The following PCK2 variants were observed in gnomAD, a reference collection of about 807,000 sequenced individuals.
PCK2 encodes phosphoenolpyruvate carboxykinase [GTP], mitochondrial.
In PCK2, 56 loss-of-function variants were observed where a neutral mutation model predicts 65.9. The observed-to-expected ratio is 0.85, with a 90% CI of 0.69 to 1.06. The LOEUF (loss-of-function observed/expected upper bound fraction) is 1.06, where lower values mean the gene tolerates loss of function less well. Ranked by LOEUF, PCK2 falls within the 50% of genes least tolerant of loss-of-function variation. The pLI is 0.00. For synonymous variants in PCK2, 305 were observed against 319.6 expected (o/e 0.95, Z 0.49); for missense variants, 843 against 863.1 (o/e 0.98, Z 0.29).
In PCK2 at chr14:24,098,314, G is replaced by A; in HGVS notation, c.387G>A (p.Gly129=). ...CACTCCCGCCTGGTGGGGCCCGTGGGCAGCTGGGCAACTGGATGTCCCCAG... is the reference window on the plus strand; with the variant it reads ...CACTCCCGCCTGGTGGGGCCCGTGGACAGCTGGGCAACTGGATGTCCCCAG... ...TVPLPPGGAR[G]QLGNWMSPAD... The change falls in exon 3 of 10, where the codon GGG becomes GGA. Residue 129 remains glycine, a synonymous_variant. Coordinates refer to ENST00000216780, the MANE Select transcript of PCK2 (RefSeq NM_004563.4). 1.2e-6 allele frequency: 2 copies of A among 1,614,134 alleles called. No individual in the cohort carries two copies. Among genetic ancestry groups the A allele is most frequent in the Non-Finnish European group, 1.7e-6 (2 of 1,179,986 alleles).
In PCK2 at chr14:24,099,580, C is replaced by T; in HGVS notation, c.875C>T (p.Ala292Val). The T allele has an allele frequency of 1.9e-6, 3 of 1,603,902 alleles. No individual in the cohort carries two copies. The highest frequency in any genetic ancestry group is 2.6e-6 in the Non-Finnish European group (3 of 1,174,642). The change falls in exon 6 of 10, where the codon GCA becomes GTA. Residue 292 changes from alanine to valine, a missense_variant. By Grantham distance (64) the Ala-to-Val change is moderately conservative (BLOSUM62 0). Transcript: ENST00000216780. Reference protein sequence around the residue: ...HMLILGITSPAGKKRYVAAAF... With the variant: ...HMLILGITSPVGKKRYVAAAF... ...CAGATCCTGGGCATCACCAGCCCTG[C>T]AGGGAAGAAGCGCTATGTGGCAGCC...
At position 24,100,098 on chromosome 14, in the gene PCK2, T is replaced by G. The variant is rs2037097781; in HGVS notation, c.1119T>G (p.Thr373=). ...CCATGGCTACAATCCAGAGTAACACTATTTTTACCAATGTGGCTGAGACCA... is the reference window on the plus strand; with the variant it reads ...CCATGGCTACAATCCAGAGTAACACGATTTTTACCAATGTGGCTGAGACCA... ...PNAMATIQSN[T]IFTNVAETSD... is the part of the protein sequence containing the mutation. The change falls in exon 7 of 10, where the codon ACT becomes ACG. Residue 373 remains threonine (T), a synonymous_variant. Coordinates refer to ENST00000216780, the MANE Select transcript of PCK2 (RefSeq NM_004563.4). 2 of 1,612,496 alleles carry G rather than the reference T, an allele frequency of 1.2e-6. No homozygotes were observed. The highest frequency in any genetic ancestry group is 1.7e-6 in the Non-Finnish European group (2 of 1,179,184).
At chr14:24,096,774 G>A in intron 1 of PCK2, 118 bp from the exon 2 acceptor site, 1 of 837,010 alleles carries the variant, frequency 1.2e-6, no homozygotes. Flanking sequence ...TGCTCTTCAT[G>A]GTCCCTGCAT....
chr14:24,097,049 T>G lies in PCK2; in HGVS notation c.187T>G (p.Cys63Gly), dbSNP rs542010714. 4 of 1,613,208 alleles carry G rather than the reference T, an allele frequency of 2.5e-6. No homozygotes were observed. The African/African-American group carries it at 4.0e-5, about 16-fold the overall frequency. ...RLCQPEGIHI[C>G]DGTEAENTAT... is the part of the protein sequence containing the mutation. ...GTGCCAACCAGAGGGCATCCACATC[T>G]GTGATGGAACTGAGGCTGAGAATAC... Residue 63 changes from cysteine (C) to glycine (G), a missense_variant, in exon 2 of 10, where the codon TGT becomes GGT. Physicochemically the swap from Cys to Gly is radical, Grantham distance 159. Coordinates refer to ENST00000216780, the MANE Select transcript of PCK2 (RefSeq NM_004563.4).
In PCK2 at chr14:24,103,833, C is replaced by T; in HGVS notation, c.1792C>T (p.Leu598Phe). Residue 598 changes from leucine to phenylalanine, a missense_variant, in exon 10 of 10, where the codon CTC (leucine) becomes TTC (phenylalanine). Leu to Phe is a conservative substitution (Grantham distance 22, BLOSUM62 0). Transcript: ENST00000216780. Reference sequence around the variant, plus strand: ...TATAGACACCACTCAGCTGTTCTCCCTCCCCAAGGACTTCTGGGAACAGGA... The same window carrying T: ...TATAGACACCACTCAGCTGTTCTCCTTCCCCAAGGACTTCTGGGAACAGGA... ...RAIDTTQLFS[L>F]PKDFWEQEVR... The T allele has an allele frequency of 6.2e-7, 1 of 1,614,128 alleles. No homozygotes were observed.
Position 24,103,217 on chromosome 14 carries a change from C to T in PCK2, c.1430C>T (p.Ala477Val), listed in dbSNP as rs1183475079. 6.2e-7 allele frequency: 1 copy of T among 1,614,108 alleles called. No homozygotes were observed. Reference sequence around the variant, plus strand: ...CGTCATGGGGTGTTTGTGGGCAGCGCCATGCGCTCTGAGTCCACTGCTGCA... The same window carrying T: ...CGTCATGGGGTGTTTGTGGGCAGCGTCATGCGCTCTGAGTCCACTGCTGCA... Reference protein sequence around the residue: ...NWRHGVFVGSAMRSESTAAAE... With the variant: ...NWRHGVFVGSVMRSESTAAAE... Residue 477 changes from alanine to valine, a missense_variant, in exon 9 of 10, where the codon GCC becomes GTC. Physicochemically the swap from Ala to Val is moderately conservative, Grantham distance 64 (BLOSUM62 0). Transcript: ENST00000216780.
upstream of PCK2, chr14:24,094,201 C>G (rs2036741931): frequency 1.8e-6 from 1 of 561,876 alleles, no homozygotes; most frequent in South Asian, 2.2e-5. The surrounding 1 kb of genome is among the most constrained non-coding windows in gnomAD (Gnocchi z 4.1). Flanking sequence ...GCCCCGGGGC[C>G]GAGGGAGCTG....
In PCK2 at chr14:24,094,342, C is replaced by A. The variant is rs1594277552; in HGVS notation, c.-64C>A. On this transcript the variant is annotated 5_prime_UTR_variant, in exon 1 of 10. Coordinates refer to ENST00000216780, the MANE Select transcript of PCK2 (RefSeq NM_004563.4). The surrounding 1 kb of genome is among the most constrained non-coding windows in gnomAD (Gnocchi z 4.1). ...CGCTTCGCCGCGCTCCCTCCTTCCC[C>A]GCCTTCCATACCTCCCCGGCTCCGC... is the stretch of plus-strand genomic sequence containing the variant. 2.7e-6 allele frequency: 4 copies of A among 1,471,036 alleles called. No individual in the cohort carries two copies. Among genetic ancestry groups the A allele is most frequent in the Non-Finnish European group, 3.7e-6 (4 of 1,088,978 alleles). The allele number at this position is 1,471,036 out of a possible 1,614,324, so 91.1% of individuals were successfully genotyped here. A position where few individuals can be genotyped will look rare whatever the true frequency, so the allele number is the denominator to read the frequency against.
Position 24,100,203 on chromosome 14 carries a change from C to T in PCK2, c.1224C>T (p.Pro408=). 6.2e-7 allele frequency: 1 copy of T among 1,614,178 alleles called. No individual in the cohort carries two copies. Among genetic ancestry groups the T allele is most frequent in the Non-Finnish European group, 8.5e-7 (1 of 1,180,016 alleles). The part of the protein sequence containing the change: ...GVTVTSWLGK[P]WKPGDKEPCA... The stretch of plus-strand genomic sequence containing the variant: ...CTGTGACCTCCTGGCTGGGCAAACC[C>T]TGGAAACCTGGTATGTGCGGTGGGG... Residue 408 remains proline, a synonymous_variant, in exon 7 of 10, where the codon CCC becomes CCT. Transcript: ENST00000216780.
chr14:24,098,872 C>T (rs1229091464), intron 4 of PCK2, among the ~76,000 whole-genome samples, 177 bp from the exon 5 acceptor site: 5 of 152,206 alleles, frequency 3.3e-5, no homozygotes, highest in Admixed American at 6.5e-5. Context: ...GAGAAAAATC[C>T]GTGTCCAAGA....
intron 1 of PCK2, chr14:24,095,077 G>A: frequency 2.2e-6 from 1 of 456,264 alleles, no homozygotes; most frequent in South Asian, 1.5e-5. Flanking sequence ...GGAGCCCCCA[G>A]GCTCGTCCTG....
rs753333969 is a variant in PCK2, at chr14:24,103,239, TGCA to T, written c.1457_1459del (p.Ala486del). 12 of 1,613,648 alleles carry T rather than the reference TGCA, an allele frequency of 7.4e-6. No individual in the cohort carries two copies. In the African/African-American group the frequency reaches 1.6e-4, roughly 22 times the overall value. ...GCGCCATGCGCTCTGAGTCCACTGCTGCAGCAGAACACAAAGGTGAGCACCCTC... is the reference window on the plus strand; with the variant it reads ...GCGCCATGCGCTCTGAGTCCACTGCTGCAGAACACAAAGGTGAGCACCCTC... On this transcript the variant is annotated inframe_deletion, in exon 9 of 10. Coordinates refer to ENST00000216780, the MANE Select transcript of PCK2 (RefSeq NM_004563.4).
intron 5 of PCK2, 61 bp from the exon 6 acceptor site, chr14:24,099,497 T>C: frequency 1.3e-6 from 2 of 1,485,318 alleles, no homozygotes; most frequent in Non-Finnish European, 9.1e-7. Flanking sequence ...CCCTTCCCCA[T>C]GCAGACCATG....
rs977158431 is a variant in PCK2, at chr14:24,094,832, C to T, written c.29+398C>T. ...CAGGGTACTTCGAGAGGCAGCAGGG[C>T]CCTGGGGACAAGGGTACGTGAGCCC... On this transcript the variant is annotated intron_variant, in intron 1 of 9. Coordinates refer to ENST00000216780, the MANE Select transcript of PCK2 (RefSeq NM_004563.4). The surrounding 1 kb of genome is among the most constrained non-coding windows in gnomAD (Gnocchi z 4.1). The T allele has an allele frequency of 1.5e-6, 2 of 1,323,886 alleles. No homozygotes were observed. The highest frequency in any genetic ancestry group is 3.0e-5 in the African/African-American group (2 of 67,224). 82.0% of individuals were successfully genotyped at this position (1,323,886 alleles called of 1,614,324 possible).
chr14:24,094,694 C>G lies in PCK2; in HGVS notation c.29+260C>G, dbSNP rs1222741219. On this transcript the variant is annotated intron_variant, in intron 1 of 9. Coordinates refer to ENST00000216780, the MANE Select transcript of PCK2 (RefSeq NM_004563.4). This position sits in a 1 kb window ranked among gnomAD's most constrained non-coding sequence, Gnocchi z 4.1. ...GACCGCGCGATCTCTATCTGCCACT[C>G]TCAGAACTTCCTCTCTCTCCTCGCT... The G allele has an allele frequency of 6.6e-7, 1 of 1,519,884 alleles. No individual in the cohort carries two copies. The highest frequency in any genetic ancestry group is 8.8e-7 in the Non-Finnish European group (1 of 1,137,022). 94.1% of individuals were successfully genotyped at this position (1,519,884 alleles called of 1,614,324 possible).
intron 6 of PCK2, 99 bp from the exon 7 acceptor site, chr14:24,099,896 T>C: frequency 1.2e-6 from 2 of 1,605,954 alleles, no homozygotes; most frequent in South Asian, 2.2e-5. Flanking sequence ...AGATCTTGGG[T>C]CCATCTCAGG....
chr14:24,102,680 G>T, intron 7 of PCK2, 73 bp from the exon 8 acceptor site: 9 of 1,212,566 alleles, frequency 7.4e-6, no homozygotes, highest in Non-Finnish European at 9.5e-6. Context: ...CTGCAAGAAT[G>T]TGTGCCCATG....
chr14:24,099,303 C>A, intron 5 of PCK2, 67 bp downstream of exon 5: 1 of 1,447,292 alleles, frequency 6.9e-7, no homozygotes, highest in Non-Finnish European at 9.4e-7. Flanking sequence ...GGCCAGTCTG[C>A]CTCAGCCTCA....
At position 24,094,672 on chromosome 14, in the gene PCK2, C is replaced by A; in HGVS notation, c.29+238C>A. The A allele has an allele frequency of 1.3e-6, 2 of 1,514,614 alleles. No homozygotes were observed. Among genetic ancestry groups the A allele is most frequent in the Non-Finnish European group, 1.8e-6 (2 of 1,133,796 alleles). The allele number at this position is 1,514,614 out of a possible 1,614,324, so 93.8% of individuals were successfully genotyped here. A position where few individuals can be genotyped will look rare whatever the true frequency, so the allele number is the denominator to read the frequency against. On this transcript the variant is annotated intron_variant, in intron 1 of 9. Transcript: ENST00000216780. The surrounding 1 kb of genome is among the most constrained non-coding windows in gnomAD (Gnocchi z 4.1). ...CTTCTCTGCCTCGCTCGCCTCTGAC[C>A]GCGCGATCTCTATCTGCCACTCTCA... is the stretch of plus-strand genomic sequence containing the variant.
Sources: allele counts gnomAD v4.1 joint callset (sites outside exome capture counted in the v4.1 genomes callset), GRCh38; gene constraint gnomAD v4.1.1; non-coding constraint Gnocchi (gnomAD v3.1); transcripts MANE v1.5; gene names NCBI Gene and HGNC (gene_info 2026-07-23, HGNC 2026-07-21).